Variants in TAFA2 observed in about 807,000 individuals in gnomAD.
TAFA2 encodes TAFA chemokine like family member 2.
TAFA2 carries 7 observed loss-of-function variants against 18.8 expected under a neutral mutation model. The ratio of observed to expected loss-of-function variants is 0.37; its 90% confidence interval spans 0.21 to 0.70. TAFA2 has a LOEUF of 0.70. Among genes scored for constraint, TAFA2 ranks in the 30% least tolerant of loss-of-function variants. The pLI is 0.53. For synonymous variants in TAFA2, 60 were observed against 54.2 expected (o/e 1.11, Z -0.47); for missense variants, 122 against 158.1 (o/e 0.77, Z 1.23).
intron 4 of TAFA2, among the ~76,000 whole-genome samples, chr12:61,748,336 CT>C (rs1374503883): frequency 2.0e-5 from 3 of 152,006 alleles, no homozygotes; most frequent in African/African-American, 7.3e-5. Flanking sequence ...ACAGTCTGTG[CT>C]GTGGACCAGA....
At chr12:61,869,425 G>A (rs1031583) in intron 1 of TAFA2, among the ~76,000 whole-genome samples, 123,738 of 152,204 alleles carry the variant, frequency 0.81, 50,449 homozygotes, top group African/African-American at 0.89. Context: ...AGCCATTACT[G>A]TAATCATTAC....
intron 1 of TAFA2, among the ~76,000 whole-genome samples, chr12:61,990,891 T>A (rs1879986659): frequency 6.6e-6 from 1 of 152,150 alleles, no homozygotes; most frequent in Non-Finnish European, 1.5e-5. Flanking sequence ...GAGAAAAGTA[T>A]TATAAGATAT....
chr12:61,856,867 C>A (rs1873906383), intron 2 of TAFA2, among the ~76,000 whole-genome samples: 1 of 151,488 alleles, frequency 6.6e-6, no homozygotes. Flanking sequence ...AAGGAAATAG[C>A]TCAAACACTT....
intron 2 of TAFA2, among the ~76,000 whole-genome samples, chr12:61,812,546 C>G (rs1196210569): frequency 1.3e-5 from 2 of 150,250 alleles, no homozygotes; most frequent in Non-Finnish European, 2.9e-5. Context: ...CGAACATGAA[C>G]AATAAAATTA....
intron 1 of TAFA2, among the ~76,000 whole-genome samples, chr12:62,095,138 G>T (rs923309120): frequency 6.6e-6 from 1 of 151,830 alleles, no homozygotes; most frequent in Non-Finnish European, 1.5e-5. Context: ...ATTATTATAC[G>T]GTCTTAGAAA....
chr12:62,046,382 C>A (rs765369596), intron 1 of TAFA2, among the ~76,000 whole-genome samples: 1 of 151,646 alleles, frequency 6.6e-6, no homozygotes, highest in African/African-American at 2.4e-5. Flanking sequence ...CTATCTCAAC[C>A]GACTATACAA....
chr12:61,818,821 A>T (rs1242097645), intron 2 of TAFA2, among the ~76,000 whole-genome samples: 1 of 152,228 alleles, frequency 6.6e-6, no homozygotes. Flanking sequence ...CTTTTATTTT[A>T]TTGAAATGCC....
chr12:61,884,955 T>G (rs904939796), intron 1 of TAFA2, among the ~76,000 whole-genome samples: 3 of 152,222 alleles, frequency 2.0e-5, no homozygotes, highest in African/African-American at 7.2e-5. Context: ...TCAGCCAAAT[T>G]TCTTAACTGA....
intron 4 of TAFA2, among the ~76,000 whole-genome samples, chr12:61,730,300 G>A (rs77401121): frequency 7.9e-5 from 12 of 152,166 alleles, no homozygotes; most frequent in South Asian, 4.1e-4. Context: ...TTTCTTCCTC[G>A]GAGCAGGGTT....
chr12:61,844,824 G>GGTATGTTGTT (rs1321205583), intron 2 of TAFA2, among the ~76,000 whole-genome samples: 1 of 152,004 alleles, frequency 6.6e-6, no homozygotes, highest in Non-Finnish European at 1.5e-5. Context: ...AACCATAGAT[G>GGTATGTTGTT]GTATGTTGTT....
At chr12:62,150,122 C>G (rs1260930996) in intron 1 of TAFA2, among the ~76,000 whole-genome samples, 2 of 152,238 alleles carry the variant, frequency 1.3e-5, no homozygotes, top group African/African-American at 4.8e-5. Context: ...AATTACCACC[C>G]AGTTCTTTTC....
intron 2 of TAFA2, among the ~76,000 whole-genome samples, chr12:61,826,470 ATG>A (rs1872540785): frequency 6.6e-6 from 1 of 152,054 alleles, no homozygotes; most frequent in African/African-American, 2.4e-5. Flanking sequence ...GAAATGCAGA[ATG>A]ACAAAAACTG....
chr12:62,181,762 C>G (rs2136951891), intron 1 of TAFA2, among the ~76,000 whole-genome samples: 1 of 152,286 alleles, frequency 6.6e-6, no homozygotes, highest in Non-Finnish European at 1.5e-5. Flanking sequence ...ATGACACCTT[C>G]TGACATTAGC....
chr12:61,932,081 C>T (rs766356214), intron 1 of TAFA2, among the ~76,000 whole-genome samples: 4 of 152,072 alleles, frequency 2.6e-5, no homozygotes, highest in East Asian at 1.9e-4. Context: ...AAATTAATTT[C>T]CTCCTCCAAA....
At chr12:61,982,876 C>CAAAAAAAAAAAAAAAAAAA (rs3031097) in intron 1 of TAFA2, among the ~76,000 whole-genome samples, 3 of 101,596 alleles carry the variant, frequency 3.0e-5, no homozygotes, top group Non-Finnish European at 2.0e-5. Flanking sequence ...AAGTGGAAGG[C>CAAAAAAAAAAAAAAAAAAA]AAAAAAAAAA....
chr12:61,906,670 C>T (rs1480695586), intron 1 of TAFA2, among the ~76,000 whole-genome samples: 3 of 151,904 alleles, frequency 2.0e-5, no homozygotes, highest in Non-Finnish European at 4.4e-5. Context: ...TTTGGAAGGC[C>T]CAGAAGCCAG....
At chr12:62,041,794 A>C (rs1881763333) in intron 1 of TAFA2, among the ~76,000 whole-genome samples, 1 of 152,200 alleles carries the variant, frequency 6.6e-6, no homozygotes, top group Admixed American at 6.5e-5. Flanking sequence ...TTAAGATTAC[A>C]TAAAGGTTTA....
At chr12:62,033,980 G>T (rs564678404) in intron 1 of TAFA2, among the ~76,000 whole-genome samples, 17 of 152,096 alleles carry the variant, frequency 1.1e-4, no homozygotes, top group Admixed American at 2.0e-4. Flanking sequence ...CTGAATCTTG[G>T]CAATTTCATG....
At chr12:61,893,056 AG>A (rs1384536475) in intron 1 of TAFA2, among the ~76,000 whole-genome samples, 2 of 152,232 alleles carry the variant, frequency 1.3e-5, no homozygotes. Flanking sequence ...CTAACTTTAA[AG>A]GTGGAACAGA....
Sources: gnomAD v4.1 joint callset for allele counts (sites outside exome capture counted in the v4.1 genomes callset) on GRCh38, gnomAD v4.1.1 for gene constraint, MANE v1.5 for transcripts, NCBI Gene and HGNC (gene_info 2026-07-23, HGNC 2026-07-21) for gene names.